ANXA5: variants seen among roughly 807,000 people sequenced by gnomAD.
The protein encoded by ANXA5 is CBP-I.
ANXA5 carries 40 observed loss-of-function variants against 48.1 expected under a neutral mutation model. That is an observed-to-expected ratio of 0.83 (90% CI 0.65 to 1.08). The LOEUF is 1.08. Among genes scored for constraint, ANXA5 ranks in the 50% least tolerant of loss-of-function variants. The probability of loss-of-function intolerance (pLI) is 0.00; values close to 1 mark genes in which losing one functional copy is unlikely to be tolerated. For synonymous variants in ANXA5, 113 were observed against 129.1 expected (o/e 0.88, Z 0.85); for missense variants, 357 against 376.8 (o/e 0.95, Z 0.44).
At chr4:121,688,985 C>T (rs1724937548) in intron 2 of ANXA5, among the ~76,000 whole-genome samples, 1 of 152,066 alleles carries the variant, frequency 6.6e-6, no homozygotes, top group African/African-American at 2.4e-5. Flanking sequence ...CATTTCCACC[C>T]CATCTAAGGA....
intron 7 of ANXA5, 158 bp downstream of exon 7, chr4:121,678,257 C>T (rs1724729693): frequency 3.1e-6 from 2 of 650,806 alleles, no homozygotes; most frequent in African/African-American, 1.8e-5. Context: ...TTCTGAAACA[C>T]AAACAAGCAC....
intron 2 of ANXA5, among the ~76,000 whole-genome samples, chr4:121,687,695 G>A (rs1724916959): frequency 6.6e-6 from 1 of 152,200 alleles, no homozygotes; most frequent in African/African-American, 2.4e-5. Flanking sequence ...AGGGCATAGT[G>A]TCAAAGGTCA....
chr4:121,678,397 T>C lies in ANXA5; in HGVS notation c.474+18A>G. The C allele has an allele frequency of 3.1e-6, 5 of 1,606,646 alleles. No homozygotes were observed. Among genetic ancestry groups the C allele is most frequent in the Non-Finnish European group, 4.3e-6 (5 of 1,175,006 alleles). On this transcript the variant is annotated intron_variant, in intron 7 of 12. Coordinates refer to ENST00000296511, the MANE Select transcript of ANXA5 (RefSeq NM_001154.4). Reference sequence around the variant, plus strand: ...TTCAGGCTTTTTAATCAAACTGTAATTAATCTCCACGCAATACCTGAAGGA... The same window carrying C: ...TTCAGGCTTTTTAATCAAACTGTAACTAATCTCCACGCAATACCTGAAGGA...
At chr4:121,676,849 G>A (rs1462509094) in intron 8 of ANXA5, among the ~76,000 whole-genome samples, 1 of 152,074 alleles carries the variant, frequency 6.6e-6, no homozygotes, top group Non-Finnish European at 1.5e-5. Context: ...GATAACAAAG[G>A]GGCTTGTAAC....
chr4:121,677,063 T>G (rs1323045962), intron 8 of ANXA5, among the ~76,000 whole-genome samples: 2 of 152,182 alleles, frequency 1.3e-5, no homozygotes, highest in Non-Finnish European at 2.9e-5. Flanking sequence ...AAAATCAACC[T>G]ACCCAAAAGA....
At chr4:121,671,514 A>T in intron 10 of ANXA5, 33 bp downstream of exon 10, 1 of 1,516,214 alleles carries the variant, frequency 6.6e-7, no homozygotes, top group Non-Finnish European at 9.2e-7. Context: ...AGCTCTTACC[A>T]CCAAAAATAT....
chr4:121,683,506 AC>A lies in ANXA5; in HGVS notation c.190-30del, dbSNP rs756493126. 9 of 1,286,822 alleles carry A rather than the reference AC, an allele frequency of 7.0e-6. No homozygotes were observed. In the African/African-American group the frequency reaches 1.0e-4, roughly 15 times the overall value. The allele number at this position is 1,286,822 out of a possible 1,614,324, so 79.7% of individuals were successfully genotyped here. On this transcript the variant is annotated intron_variant, in intron 4 of 12. Transcript: ENST00000296511. ...ACCCACAGAAAATACAAATTTGTTA[AC>A]CAGCAGAAATTGTAATAAGATTCTT...
At chr4:121,671,494 A>G in intron 10 of ANXA5, 53 bp downstream of exon 10, 1 of 1,335,844 alleles carries the variant, frequency 7.5e-7, no homozygotes, top group East Asian at 2.3e-5. Flanking sequence ...TCAATTGAAT[A>G]AAATGCTTTA....
At chr4:121,678,557 C>T in intron 6 of ANXA5, 63 bp from the exon 7 acceptor site, 2 of 1,326,420 alleles carry the variant, frequency 1.5e-6, no homozygotes, top group South Asian at 1.3e-5. Flanking sequence ...AATCTTGCCC[C>T]ATTAATCAAA....
rs1724613758 is a variant in ANXA5 at position 121,671,594 on chromosome 4, A to T, written c.674T>A (p.Ile225Asn). The change falls in exon 10 of 13, where the codon ATT becomes AAT. Residue 225 changes from isoleucine (I) to asparagine (N), a missense_variant. Ile to Asn is a moderately radical substitution (Grantham distance 149, BLOSUM62 -3). Transcript: ENST00000296511. ...TISGFQIEET[I>N]DRETSGNLEQ... ...TAAATTGCCAGAAGTCTCGCGGTCA[A>T]TGGTTTCCTCAATTTGAAATCCTGA... 1.2e-6 allele frequency: 2 copies of T among 1,613,570 alleles called. No homozygotes were observed. The highest frequency in any genetic ancestry group is 1.3e-5 in the African/African-American group (1 of 74,910).
At chr4:121,670,770 G>A (rs574477222) in intron 10 of ANXA5, among the ~76,000 whole-genome samples, 9 of 152,238 alleles carry the variant, frequency 5.9e-5, no homozygotes, top group African/African-American at 2.2e-4. Flanking sequence ...TGAAGGACCT[G>A]TCTAAAAGTT....
intron 11 of ANXA5, 93 bp from the exon 12 acceptor site, chr4:121,669,817 T>A (rs906782389): frequency 2.0e-6 from 3 of 1,506,604 alleles, no homozygotes; most frequent in Non-Finnish European, 2.7e-6. Context: ...CAATAAGGTA[T>A]AACAATTTAG....
Position 121,669,924 on chromosome 4 carries a change from TTAGA to T in ANXA5, c.780+26_780+29del, listed in dbSNP as rs778014776. The T allele has an allele frequency of 2.0e-6, 3 of 1,528,536 alleles. No individual in the cohort carries two copies. In the African/African-American group the frequency reaches 4.2e-5, roughly 21 times the overall value. 94.7% of individuals were successfully genotyped at this position (1,528,536 alleles called of 1,614,324 possible). On this transcript the variant is annotated intron_variant, in intron 11 of 12. Coordinates refer to ENST00000296511, the MANE Select transcript of ANXA5 (RefSeq NM_001154.4). ...AATAATAATTAGAAAGAGAAATGTA[TTAGA>T]TAGAAGGTTCATGGTCTCCACTTAC... is the stretch of plus-strand genomic sequence containing the variant.
chr4:121,691,062 C>G (rs780328106), intron 2 of ANXA5, among the ~76,000 whole-genome samples: 2 of 152,168 alleles, frequency 1.3e-5, no homozygotes, highest in Non-Finnish European at 2.9e-5. Flanking sequence ...CACACTTTAC[C>G]CAGATTAATG....
chr4:121,675,083 C>T lies in ANXA5; in HGVS notation c.532-2457G>A, dbSNP rs558045729. 3.9e-5 allele frequency among the ~76,000 whole-genome samples: 6 copies of T among 152,310 alleles called. No individual in the cohort carries two copies. The South Asian group carries it at 1.0e-3, about 26-fold the overall frequency. On this transcript the variant is annotated intron_variant, in intron 8 of 12. Transcript: ENST00000296511. Reference sequence around the variant, plus strand: ...AAAGTGCCTGATTACTTCTCCTTCTCCCTCTTTCCTCTAAGAGTTCAACTC... The same window carrying T: ...AAAGTGCCTGATTACTTCTCCTTCTTCCTCTTTCCTCTAAGAGTTCAACTC...
At position 121,668,259 on chromosome 4, in the gene ANXA5, T is replaced by G. The variant is rs531415581; in HGVS notation, c.*209A>C. On this transcript the variant is annotated 3_prime_UTR_variant, in exon 13 of 13. Transcript: ENST00000296511. ...TTAAACTTAGTAACATTAAGTACAC[T>G]TTAGTACTACAGCAGTCAAAGAGAT... 2.0e-6 allele frequency: 1 copy of G among 496,430 alleles called. No individual in the cohort carries two copies. The highest frequency in any genetic ancestry group is 3.6e-6 in the Non-Finnish European group (1 of 278,052). 30.8% of individuals were successfully genotyped at this position (496,430 alleles called of 1,614,324 possible). A position where few individuals can be genotyped will look rare whatever the true frequency, so the allele number is the denominator to read the frequency against.
intron 5 of ANXA5, 125 bp from the exon 6 acceptor site, chr4:121,681,886 C>A: frequency 1.6e-6 from 1 of 607,570 alleles, no homozygotes; most frequent in Admixed American, 3.1e-5. Context: ...ACATGGATTT[C>A]TTTGTATATG....
At chr4:121,679,290 A>G (rs1313380945) in intron 6 of ANXA5, among the ~76,000 whole-genome samples, 1 of 152,186 alleles carries the variant, frequency 6.6e-6, no homozygotes, top group Non-Finnish European at 1.5e-5. Context: ...CAACACCTGT[A>G]AATATTAACC....
chr4:121,671,785 A>C, intron 9 of ANXA5, 143 bp from the exon 10 acceptor site: 1 of 633,410 alleles, frequency 1.6e-6, no homozygotes, highest in Non-Finnish European at 2.8e-6. Context: ...CAAAGCCTCA[A>C]TGTGCCAAGC....
Sources: allele counts gnomAD v4.1 joint callset (sites outside exome capture counted in the v4.1 genomes callset), GRCh38; gene constraint gnomAD v4.1.1; transcripts MANE v1.5; gene names NCBI Gene and HGNC (gene_info 2026-07-23, HGNC 2026-07-21).